CHSY1: variants seen among roughly 807,000 people sequenced by gnomAD.
The protein encoded by CHSY1 is N-acetylgalactosaminyl-proteoglycan 3-beta-glucuronosyltransferase 1.
A neutral mutation model predicts 59.8 loss-of-function variants in CHSY1; 13 were observed. The ratio of observed to expected loss-of-function variants is 0.22; its 90% CI spans 0.14 to 0.35. CHSY1 has a LOEUF of 0.35. CHSY1 is among the 10% of genes least tolerant of loss of function. CHSY1 has a pLI of 1.00. For missense variants in CHSY1, 947 were observed against 1,030.6 expected, an observed-to-expected ratio of 0.92 and a Z score of 1.11; for synonymous variants, 459 against 401.2, an observed-to-expected ratio of 1.14 and a Z score of -1.72.
chr15:101,189,503 C>T lies in CHSY1; in HGVS notation c.817-10523G>A, dbSNP rs953744286. On this transcript the variant is annotated intron_variant, in intron 2 of 2. Coordinates refer to ENST00000254190, the MANE Select transcript of CHSY1 (RefSeq NM_014918.5). ...ACGTGCCACACAGGCCCAGTGCAGC[C>T]GGGTTTAAAGGGAAGCTAGAAATCC... The T allele has an allele frequency of 1.4e-5, 14 of 984,842 alleles. No homozygotes were observed. The South Asian group carries it at 2.4e-4, about 17-fold the overall frequency. 61.0% of individuals were successfully genotyped at this position (984,842 alleles called of 1,614,324 possible).
chr15:101,249,862 A>T (rs2039089513), intron 1 of CHSY1, among the ~76,000 whole-genome samples: 1 of 152,202 alleles, frequency 6.6e-6, no homozygotes, highest in Admixed American at 6.5e-5. Context: ...TTTTCAAGCC[A>T]CTCAGGACCC....
intron 2 of CHSY1, among the ~76,000 whole-genome samples, chr15:101,222,892 C>T (rs1378617412): frequency 6.6e-6 from 1 of 152,150 alleles, no homozygotes; most frequent in Non-Finnish European, 1.5e-5. Flanking sequence ...TCACCCTGTC[C>T]CTCCACAGTC....
intron 2 of CHSY1, among the ~76,000 whole-genome samples, chr15:101,192,065 AAAG>A (rs1255190129): frequency 1.6e-4 from 24 of 152,166 alleles, no homozygotes; most frequent in Non-Finnish European, 2.9e-4. Flanking sequence ...CCCTATACAA[AAAG>A]AAGAGAGAAA....
intron 2 of CHSY1, among the ~76,000 whole-genome samples, chr15:101,189,027 T>C (rs150892315): frequency 5.9e-5 from 9 of 152,320 alleles, no homozygotes; most frequent in African/African-American, 1.9e-4. Flanking sequence ...GATGAGGTCC[T>C]GTGCACACAC....
chr15:101,240,119 A>C (rs1220297392), intron 1 of CHSY1, among the ~76,000 whole-genome samples: 1 of 152,242 alleles, frequency 6.6e-6, no homozygotes, highest in African/African-American at 2.4e-5. Flanking sequence ...TTTCTGTTCT[A>C]AATGACTGGT....
In CHSY1 at chr15:101,251,233, G is replaced by A. The variant is rs1234440314; in HGVS notation, c.224C>T (p.Ser75Leu). 8 of 1,580,356 alleles carry A rather than the reference G, an allele frequency of 5.1e-6. No homozygotes were observed. The highest frequency in any genetic ancestry group is 1.7e-5 in the Admixed American group (1 of 57,764). Residue 75 changes from serine to leucine, a missense_variant, in exon 1 of 3, where the codon TCG becomes TTG. Coordinates refer to ENST00000254190, the MANE Select transcript of CHSY1 (RefSeq NM_014918.5). ...ARGAQLWPPG[S>L]DPDGGPRDRN... Reference sequence around the variant, plus strand: ...GTCGCGCGGGCCGCCATCTGGGTCCGAGCCGGGCGGCCAGAGCTGCGCCCC... The same window carrying A: ...GTCGCGCGGGCCGCCATCTGGGTCCAAGCCGGGCGGCCAGAGCTGCGCCCC...
chr15:101,230,922 A>T (rs1177680550), intron 2 of CHSY1, among the ~76,000 whole-genome samples: 1 of 152,216 alleles, frequency 6.6e-6, no homozygotes, highest in Non-Finnish European at 1.5e-5. Flanking sequence ...ACCAATTCAG[A>T]GGGCAGTTCT....
At chr15:101,197,515 G>A (rs917441896) in intron 2 of CHSY1, among the ~76,000 whole-genome samples, 1 of 152,124 alleles carries the variant, frequency 6.6e-6, no homozygotes, top group African/African-American at 2.4e-5. Flanking sequence ...CCAAGTCCTT[G>A]TATCTACGAT....
intron 2 of CHSY1, among the ~76,000 whole-genome samples, chr15:101,196,767 T>C (rs2038511559): frequency 6.6e-6 from 1 of 152,180 alleles, no homozygotes; most frequent in Admixed American, 6.5e-5. Context: ...CTCATGCCTA[T>C]AATCCCAGCA....
chr15:101,203,645 G>A (rs1462696250), intron 2 of CHSY1, among the ~76,000 whole-genome samples: 1 of 152,194 alleles, frequency 6.6e-6, no homozygotes, highest in African/African-American at 2.4e-5. Context: ...TTTTTACAGA[G>A]GAGAATCGTG....
chr15:101,249,684 T>A (rs947672098), intron 1 of CHSY1, among the ~76,000 whole-genome samples: 2 of 152,038 alleles, frequency 1.3e-5, no homozygotes, highest in Non-Finnish European at 2.9e-5. Flanking sequence ...CGGCTAATTT[T>A]TGTACTCTTG....
chr15:101,231,338 C>T (rs749638750), intron 2 of CHSY1, among the ~76,000 whole-genome samples: 8 of 152,088 alleles, frequency 5.3e-5, no homozygotes, highest in African/African-American at 9.7e-5. Flanking sequence ...TTCATGTAAA[C>T]GGGGAGAGAA....
chr15:101,178,397 A>T lies in CHSY1; in HGVS notation c.1400T>A (p.Val467Glu). ...KHKGKKMTVPVRRHAYLQQTF... is the reference protein window; with the variant it reads ...KHKGKKMTVPERRHAYLQQTF... ...CTGCTGTAAATACGCGTGCCTCCTC[A>T]CAGGGACCGTCATTTTCTTCCCTTT... Residue 467 changes from valine (V) to glutamate (E), a missense_variant, in exon 3 of 3, where the codon GTG becomes GAG. Transcript: ENST00000254190. 6.2e-7 allele frequency: 1 copy of T among 1,612,408 alleles called. No homozygotes were observed. The highest frequency in any genetic ancestry group is 8.5e-7 in the Non-Finnish European group (1 of 1,178,482).
chr15:101,245,246 C>A (rs2039039136), intron 1 of CHSY1, among the ~76,000 whole-genome samples: 1 of 152,216 alleles, frequency 6.6e-6, no homozygotes, highest in African/African-American at 2.4e-5. Flanking sequence ...CTACACCTAG[C>A]CCCAAAGAGC....
chr15:101,249,404 A>G lies in CHSY1; in HGVS notation c.320+1733T>C, dbSNP rs1596458157. 2.0e-5 allele frequency among the ~76,000 whole-genome samples: 3 copies of G among 151,602 alleles called. No individual in the cohort carries two copies. The East Asian group carries it at 5.8e-4, about 29-fold the overall frequency. On this transcript the variant is annotated intron_variant, in intron 1 of 2. Transcript: ENST00000254190. ...TGGTCAAAAAAAAAAAAAAAATCCC[A>G]TAAAACCTCAGGTAATGCAAGGTAG... is the stretch of plus-strand genomic sequence containing the variant.
At chr15:101,211,135 C>T (rs2038678133) in intron 2 of CHSY1, among the ~76,000 whole-genome samples, 1 of 152,092 alleles carries the variant, frequency 6.6e-6, no homozygotes, top group Admixed American at 6.6e-5. Context: ...ACCAGCCTGG[C>T]CAACATGATA....
intron 1 of CHSY1, among the ~76,000 whole-genome samples, chr15:101,247,832 G>T (rs1465526157): frequency 1.3e-5 from 2 of 152,178 alleles, no homozygotes; most frequent in East Asian, 3.9e-4. Flanking sequence ...TCATCAAAGT[G>T]CTGTGCCTTT....
chr15:101,226,116 A>G (rs780989955), intron 2 of CHSY1, among the ~76,000 whole-genome samples: 4 of 152,250 alleles, frequency 2.6e-5, no homozygotes, highest in Non-Finnish European at 5.9e-5. Context: ...TCTTCCCTAA[A>G]TTGTAAAAAC....
intron 2 of CHSY1, among the ~76,000 whole-genome samples, chr15:101,232,500 G>C (rs1395688599): frequency 6.6e-6 from 1 of 152,090 alleles, no homozygotes; most frequent in Non-Finnish European, 1.5e-5. Flanking sequence ...TTATAATGAA[G>C]AACTACACGT....
Sources: allele counts gnomAD v4.1 joint callset (sites outside exome capture counted in the v4.1 genomes callset), GRCh38; gene constraint gnomAD v4.1.1; transcripts MANE v1.5; gene names NCBI Gene and HGNC (gene_info 2026-07-23, HGNC 2026-07-21).